ZNF713: variants seen among roughly 807,000 people sequenced by gnomAD.
ZNF713 encodes the protein zinc finger protein 713.
ZNF713 carries 21 observed loss-of-function variants against 28.7 expected under a neutral mutation model. The ratio of observed to expected loss-of-function variants is 0.73; its 90% CI spans 0.52 to 1.05. The LOEUF (loss-of-function observed/expected upper bound fraction) is 1.05. Among genes scored for constraint, ZNF713 ranks in the 50% least tolerant of loss-of-function variants. The pLI, the probability that ZNF713 is intolerant of heterozygous loss-of-function variation, is 0.00. For missense variants in ZNF713, 458 were observed against 532.4 expected (o/e 0.86, Z 1.37); for synonymous variants, 167 against 178.0 (o/e 0.94, Z 0.49).
intron 4 of ZNF713, among the ~76,000 whole-genome samples, chr7:55,915,946 C>G (rs1412616216): frequency 6.6e-6 from 1 of 152,116 alleles, no homozygotes; most frequent in Non-Finnish European, 1.5e-5. Flanking sequence ...GGAGAAAAAC[C>G]AGTTAAGCTA....
At chr7:55,894,755 A>C (rs1314420536) in intron 1 of ZNF713, among the ~76,000 whole-genome samples, 1 of 152,224 alleles carries the variant, frequency 6.6e-6, no homozygotes, top group Non-Finnish European at 1.5e-5. Context: ...GTCTATTAAT[A>C]ATGAAATAAG....
rs761462281 is a variant in ZNF713 at position 55,940,412 on chromosome 7, C to T, written c.*406C>T. ...GTGCTGGGATTACAGGCGTGGGCCA[C>T]TGCGCCTGGCCATAAACTTTCAATG... is the stretch of plus-strand genomic sequence containing the variant. On this transcript the variant is annotated 3_prime_UTR_variant, in exon 7 of 7. Transcript: ENST00000429591. The T allele has an allele frequency of 2.6e-5, 26 of 989,394 alleles. No individual in the cohort carries two copies. Among genetic ancestry groups the T allele is most frequent in the Non-Finnish European group, 2.9e-5 (24 of 832,512 alleles). The allele number at this position is 989,394 out of a possible 1,614,324, so 61.3% of individuals were successfully genotyped here.
intron 6 of ZNF713, among the ~76,000 whole-genome samples, chr7:55,935,227 T>A (rs1008940548): frequency 3.9e-5 from 6 of 152,076 alleles, no homozygotes. Flanking sequence ...AATACTAGCT[T>A]AGGTCCATAA....
chr7:55,914,766 C>T (rs181612919), intron 4 of ZNF713, among the ~76,000 whole-genome samples: 11 of 152,314 alleles, frequency 7.2e-5, no homozygotes, highest in African/African-American at 2.6e-4. Context: ...AATAAGGAGA[C>T]TGTCAGCTAG....
chr7:55,920,279 ATAGGCCAAAAGCTTGGCCTCT>A (rs1160409671), intron 4 of ZNF713, among the ~76,000 whole-genome samples: 4 of 152,268 alleles, frequency 2.6e-5, no homozygotes, highest in African/African-American at 9.6e-5. Flanking sequence ...TGCATTTGAA[ATAGGCCAAAAGCTTGGCCTCT>A]TGGGCCAAAC....
At chr7:55,930,730 G>A (rs185467468) in intron 6 of ZNF713, among the ~76,000 whole-genome samples, 8 of 152,020 alleles carry the variant, frequency 5.3e-5, no homozygotes, top group African/African-American at 1.4e-4. Context: ...CGTGCTACTC[G>A]CCTCCAGCCT....
chr7:55,896,523 A>G (rs1042700765), intron 1 of ZNF713, among the ~76,000 whole-genome samples: 2 of 151,964 alleles, frequency 1.3e-5, no homozygotes, highest in African/African-American at 4.8e-5. Context: ...GAAGACTAAA[A>G]TGAACCTTGT....
rs747350264 is a variant in ZNF713, at chr7:55,899,430, CGAGG to C, written c.-582-6821_-582-6818del. Among the ~76,000 whole-genome samples, 11 of 2,980 alleles carry C rather than the reference CGAGG, an allele frequency of 3.7e-3. 1 individual carries two copies. In the South Asian group the frequency reaches 0.053, roughly 14 times the overall value. The allele number at this position is 2,980 out of a possible 152,430, so 2.0% of individuals were successfully genotyped here. A position where few individuals can be genotyped will look rare whatever the true frequency, so the allele number is the denominator to read the frequency against. On this transcript the variant is annotated intron_variant, in intron 1 of 6. Transcript: ENST00000429591. ...CTGTAATCCCAGCACTTTGGGAGGC[CGAGG>C]GGGGGGGGGGGGTTGATCACAAGGT...
chr7:55,904,727 CATTAA>C (rs1562738364), intron 1 of ZNF713, among the ~76,000 whole-genome samples: 2 of 151,776 alleles, frequency 1.3e-5, no homozygotes, highest in Non-Finnish European at 2.9e-5. Flanking sequence ...GTTGGAGAGA[CATTAA>C]ATTATTATTA....
rs1331253817 is a variant in ZNF713, at chr7:55,932,474, A to G, written c.308-6508A>G. 3.3e-5 allele frequency among the ~76,000 whole-genome samples: 5 copies of G among 150,152 alleles called. No individual in the cohort carries two copies. The East Asian group carries it at 7.9e-4, about 24-fold the overall frequency. ...CAGGAGGTCAAAGCTGATGTGAGCTATGATCACACCACTGCACTCCAGCCT... is the reference window on the plus strand; with the variant it reads ...CAGGAGGTCAAAGCTGATGTGAGCTGTGATCACACCACTGCACTCCAGCCT... On this transcript the variant is annotated intron_variant, in intron 6 of 6. Transcript: ENST00000429591.
At position 55,932,890 on chromosome 7, in the gene ZNF713, C is replaced by CAAAAAAAA. The variant is rs61092452; in HGVS notation, c.308-6079_308-6072dup. ...TGGGCGACAGAGCGAGACTCCGTCT[C>CAAAAAAAA]AAAAAAAAAAAAAAAAAAAAGAAGC... On this transcript the variant is annotated intron_variant, in intron 6 of 6. Coordinates refer to ENST00000429591, the MANE Select transcript of ZNF713 (RefSeq NM_182633.3). 2.0e-3 allele frequency among the ~76,000 whole-genome samples: 95 copies of CAAAAAAAA among 47,730 alleles called. 4 individuals carry two copies. The highest frequency in any genetic ancestry group is 7.9e-3 in the East Asian group (9 of 1,136). The allele number at this position is 47,730 out of a possible 152,430, so 31.3% of individuals were successfully genotyped here.
In ZNF713 at chr7:55,911,983, G is replaced by A. The variant is rs891686919; in HGVS notation, c.-88G>A. 1.3e-5 allele frequency: 2 copies of A among 152,236 alleles called. No individual in the cohort carries two copies. Among genetic ancestry groups the A allele is most frequent in the African/African-American group, 4.8e-5 (2 of 41,446 alleles). 9.4% of individuals were successfully genotyped at this position (152,236 alleles called of 1,614,324 possible). ...TCTGCTGACTTTCATGTAGAAGATA[G>A]CAGAGCTTTGGCGACATTACAACAT... On this transcript the variant is annotated 5_prime_UTR_variant, in exon 3 of 7. Coordinates refer to ENST00000429591, the MANE Select transcript of ZNF713 (RefSeq NM_182633.3).
intron 4 of ZNF713, among the ~76,000 whole-genome samples, chr7:55,919,511 T>G (rs1384336398): frequency 4.5e-5 from 4 of 88,804 alleles, no homozygotes; most frequent in African/African-American, 1.4e-4. Flanking sequence ...TTTTTTTTTT[T>G]TTTTTTTTTT....
At chr7:55,932,254 C>G (rs895629049) in intron 6 of ZNF713, among the ~76,000 whole-genome samples, 1 of 151,290 alleles carries the variant, frequency 6.6e-6, no homozygotes, top group Non-Finnish European at 1.5e-5. Flanking sequence ...TGTGGCCAGG[C>G]GTGGTGGCTT....
At chr7:55,923,553 G>C in intron 5 of ZNF713, 54 bp from the exon 6 acceptor site, 4 of 1,467,210 alleles carry the variant, frequency 2.7e-6, no homozygotes, top group Non-Finnish European at 3.7e-6. Flanking sequence ...GAGTGTGTCT[G>C]AGAATTTTGT....
At chr7:55,905,459 G>A (rs574447556) in intron 1 of ZNF713, among the ~76,000 whole-genome samples, 2 of 152,224 alleles carry the variant, frequency 1.3e-5, no homozygotes, top group Admixed American at 6.5e-5. Flanking sequence ...CCTTAGGCAT[G>A]GATTTTGGTA....
intron 6 of ZNF713, among the ~76,000 whole-genome samples, chr7:55,926,203 G>A (rs890035081): frequency 6.6e-6 from 1 of 152,084 alleles, no homozygotes; most frequent in Non-Finnish European, 1.5e-5. Flanking sequence ...CCAGCTACTC[G>A]GGAGGCGGAG....
chr7:55,939,671 C>T lies in ZNF713; in HGVS notation c.997C>T (p.Leu333=). 1 of 1,614,180 alleles carries T rather than the reference C, an allele frequency of 6.2e-7. No individual in the cohort carries two copies. The highest frequency in any genetic ancestry group is 8.5e-7 in the Non-Finnish European group (1 of 1,180,040). The change falls in exon 7 of 7, where the codon CTG becomes TTG. Residue 333 remains leucine, a synonymous_variant. Transcript: ENST00000429591. The stretch of plus-strand genomic sequence containing the variant: ...TCAGCATTCATCCTTTACTCAACAT[C>T]TGAGGATTCATACTGGAGAAAAGCC... ...FRQHSSFTQH[L]RIHTGEKPYK... is the part of the protein sequence containing the mutation.
chr7:55,922,641 CA>C (rs1786014377), intron 4 of ZNF713, among the ~76,000 whole-genome samples: 1 of 152,072 alleles, frequency 6.6e-6, no homozygotes, highest in Non-Finnish European at 1.5e-5. Flanking sequence ...CCTCCACTAT[CA>C]AAAAGATTAC....
Sources: gnomAD v4.1 joint callset for allele counts (sites outside exome capture counted in the v4.1 genomes callset) on GRCh38, gnomAD v4.1.1 for gene constraint, MANE v1.5 for transcripts, NCBI Gene and HGNC (gene_info 2026-07-23, HGNC 2026-07-21) for gene names.